The following EBF1 variants were observed in gnomAD, a reference collection of about 807,000 sequenced individuals.
EBF1 encodes EBF transcription factor 1, also known as transcription factor COE1.
A neutral mutation model predicts 68.4 loss-of-function variants in EBF1; 10 were observed. That is an observed-to-expected ratio of 0.15 (90% CI 0.09 to 0.25). The LOEUF is 0.25. Among genes scored for constraint, EBF1 ranks in the 10% least tolerant of loss-of-function variants. The probability of loss-of-function intolerance (pLI) is 1.00; values close to 1 mark genes in which losing one functional copy is unlikely to be tolerated. For missense variants in EBF1, 509 were observed against 794.4 expected (o/e 0.64, Z 4.32); for synonymous variants, 298 against 299.8 (o/e 0.99, Z 0.06).
intron 10 of EBF1, 115 bp from the exon 11 acceptor site, chr5:158,731,272 G>T (rs1346066057): frequency 3.2e-6 from 3 of 934,812 alleles, no homozygotes; most frequent in East Asian, 5.3e-5. Flanking sequence ...TGATACTTTT[G>T]AATTGGATCA....
intron 6 of EBF1, chr5:158,983,111 T>C (rs1224823304): frequency 6.6e-6 from 1 of 152,098 alleles, no homozygotes; most frequent in Non-Finnish European, 1.5e-5. Context: ...AAATACCAGC[T>C]TTTCATTTCA....
chr5:158,845,154 G>C (rs1026256345), intron 6 of EBF1, among the ~76,000 whole-genome samples: 4 of 152,184 alleles, frequency 2.6e-5, no homozygotes, highest in Non-Finnish European at 5.9e-5. Flanking sequence ...ACTAAATGGA[G>C]TCTAGGGTCT....
chr5:158,701,762 G>A (rs748598375), intron 15 of EBF1, among the ~76,000 whole-genome samples: 19 of 152,212 alleles, frequency 1.2e-4, no homozygotes, highest in South Asian at 4.1e-4. Context: ...GTTTATACAT[G>A]ATAGCACAAA....
At chr5:158,794,913 T>C in intron 9 of EBF1, among the ~76,000 whole-genome samples, 1 of 152,202 alleles carries the variant, frequency 6.6e-6, no homozygotes, top group African/African-American at 2.4e-5. Flanking sequence ...ATACCTGAAA[T>C]GTTCCATCTT....
chr5:158,859,278 C>A (rs920306842), intron 6 of EBF1, among the ~76,000 whole-genome samples: 5 of 152,160 alleles, frequency 3.3e-5, no homozygotes, highest in Non-Finnish European at 7.3e-5. Context: ...GACCTCCAAG[C>A]TTTAGCTCAA....
chr5:159,091,555 G>A (rs1327321480), intron 4 of EBF1, among the ~76,000 whole-genome samples: 1 of 152,096 alleles, frequency 6.6e-6, no homozygotes, highest in Non-Finnish European at 1.5e-5. Flanking sequence ...ACTCTCTGCT[G>A]GCCTAGTGAA....
At chr5:158,878,872 G>A (rs558718798) in intron 6 of EBF1, among the ~76,000 whole-genome samples, 5 of 152,150 alleles carry the variant, frequency 3.3e-5, no homozygotes, top group East Asian at 3.9e-4. Flanking sequence ...TCAAACTCCC[G>A]ACCTCAAGTG....
At chr5:158,725,453 C>T (rs1205120534) in intron 11 of EBF1, among the ~76,000 whole-genome samples, 6 of 152,234 alleles carry the variant, frequency 3.9e-5, no homozygotes, top group Admixed American at 3.9e-4. Context: ...TAGAACCCTC[C>T]TCTCTCTTCC....
intron 4 of EBF1, among the ~76,000 whole-genome samples, chr5:159,086,013 A>G (rs933654545): frequency 9.2e-5 from 14 of 152,142 alleles, no homozygotes; most frequent in African/African-American, 3.4e-4. Context: ...AGGAAAAAAT[A>G]CTTCTCCACC....
At chr5:158,920,626 T>G (rs1183780650) in intron 6 of EBF1, among the ~76,000 whole-genome samples, 1 of 152,168 alleles carries the variant, frequency 6.6e-6, no homozygotes, top group Non-Finnish European at 1.5e-5. Context: ...TTGCCCAGCC[T>G]GGAGTGCAGT....
At chr5:158,886,483 G>A (rs1476173975) in intron 6 of EBF1, among the ~76,000 whole-genome samples, 1 of 152,132 alleles carries the variant, frequency 6.6e-6, no homozygotes, top group African/African-American at 2.4e-5. Flanking sequence ...CAGATTTGGG[G>A]GTAAAAGAGG....
chr5:158,841,783 C>T (rs1562090101), intron 6 of EBF1, among the ~76,000 whole-genome samples: 1 of 152,194 alleles, frequency 6.6e-6, no homozygotes, highest in Admixed American at 6.5e-5. Flanking sequence ...TAGAATCTGC[C>T]AAGATGGGAG....
intron 6 of EBF1, among the ~76,000 whole-genome samples, chr5:159,063,631 A>C (rs1183451827): frequency 2.6e-5 from 4 of 152,202 alleles, no homozygotes; most frequent in Non-Finnish European, 5.9e-5. Context: ...TGCATGACAT[A>C]TAATAGAGGC....
intron 6 of EBF1, among the ~76,000 whole-genome samples, chr5:158,965,307 C>G (rs1561648547): frequency 6.6e-6 from 1 of 152,042 alleles, no homozygotes; most frequent in Non-Finnish European, 1.5e-5. Flanking sequence ...TTGAGCAGTC[C>G]CCTTACATCT....
intron 10 of EBF1, among the ~76,000 whole-genome samples, chr5:158,749,854 G>T (rs1381376432): frequency 6.6e-6 from 1 of 152,072 alleles, no homozygotes; most frequent in Non-Finnish European, 1.5e-5. Flanking sequence ...GTCTGGGCAA[G>T]GTAAACTAAC....
intron 8 of EBF1, among the ~76,000 whole-genome samples, chr5:158,822,971 A>C (rs1409571808): frequency 6.6e-6 from 1 of 152,222 alleles, no homozygotes; most frequent in Non-Finnish European, 1.5e-5. Flanking sequence ...GTGGTCCCAC[A>C]AGAAAGGTGG....
At chr5:158,933,164 T>A (rs1192508579) in intron 6 of EBF1, among the ~76,000 whole-genome samples, 2 of 152,142 alleles carry the variant, frequency 1.3e-5, no homozygotes, top group African/African-American at 4.8e-5. Context: ...AAACTAAAAA[T>A]TCAAAGCAAA....
At chr5:159,027,307 G>C (rs1293011328) in intron 6 of EBF1, among the ~76,000 whole-genome samples, 1 of 151,996 alleles carries the variant, frequency 6.6e-6, no homozygotes, top group Admixed American at 6.6e-5. Context: ...CCAAGACCAG[G>C]CCTCAACCCC....
intron 6 of EBF1, among the ~76,000 whole-genome samples, chr5:159,047,492 G>A (rs890021319): frequency 6.6e-6 from 1 of 152,154 alleles, no homozygotes; most frequent in Admixed American, 6.5e-5. Context: ...AGGGGACAGA[G>A]CTGAGAGATA....
Sources: allele counts gnomAD v4.1 joint callset (sites outside exome capture counted in the v4.1 genomes callset), GRCh38; gene constraint gnomAD v4.1.1; transcripts MANE v1.5; gene names NCBI Gene and HGNC (gene_info 2026-07-23, HGNC 2026-07-21).